The following ZMYND8 variants were observed in gnomAD, a reference collection of about 807,000 sequenced individuals.
ZMYND8 encodes zinc finger MYND-type containing 8, also known as MYND-type zinc finger-containing chromatin reader ZMYND8.
In ZMYND8, 37 loss-of-function variants were observed where a neutral mutation model predicts 140.8. The observed-to-expected ratio is 0.26, with a 90% CI of 0.20 to 0.35. The LOEUF (loss-of-function observed/expected upper bound fraction) is 0.35. ZMYND8 is among the 10% of genes least tolerant of loss of function. ZMYND8 has a pLI of 1.00. For synonymous variants in ZMYND8, 592 were observed against 597.1 expected, an observed-to-expected ratio of 0.99 and a Z score of 0.12; for missense variants, 1,068 against 1,570.0, an observed-to-expected ratio of 0.68 and a Z score of 5.40.
At chr20:47,251,952 T>G (rs1192058839) in intron 12 of ZMYND8, among the ~76,000 whole-genome samples, 2 of 150,904 alleles carry the variant, frequency 1.3e-5, no homozygotes, top group African/African-American at 4.9e-5. Flanking sequence ...TTTTTGACAC[T>G]AAAGTTTACT....
intron 2 of ZMYND8, among the ~76,000 whole-genome samples, chr20:47,313,707 G>A (rs909486547): frequency 1.3e-5 from 2 of 151,842 alleles, no homozygotes; most frequent in African/African-American, 2.4e-5. Flanking sequence ...CGAGGCAAGC[G>A]AATCATCTGA....
chr20:47,221,711 G>A (rs904200775), intron 19 of ZMYND8, among the ~76,000 whole-genome samples: 1 of 152,208 alleles, frequency 6.6e-6, no homozygotes, highest in Non-Finnish European at 1.5e-5. Context: ...CTGTCAGCCA[G>A]GCTGGAGTGC....
intron 14 of ZMYND8, among the ~76,000 whole-genome samples, chr20:47,242,753 T>C (rs1341217481): frequency 6.6e-6 from 1 of 152,182 alleles, no homozygotes; most frequent in Non-Finnish European, 1.5e-5. Context: ...AGGCTCAAAA[T>C]TGTTTGAAGT....
At chr20:47,287,442 C>T (rs1218427883) in intron 7 of ZMYND8, among the ~76,000 whole-genome samples, 158 bp from the exon 8 acceptor site, 1 of 152,166 alleles carries the variant, frequency 6.6e-6, no homozygotes, top group African/African-American at 2.4e-5. Context: ...TAGTAATTCA[C>T]ATTATGTGAT....
In ZMYND8 at chr20:47,227,507, G is replaced by A. The variant is rs1348879457; in HGVS notation, c.2938-226C>T. On this transcript the variant is annotated intron_variant, in intron 17 of 22. Coordinates refer to ENST00000471951, the MANE Select transcript of ZMYND8 (RefSeq NM_001281775.3). ...CATCAATTCCAAGAAATACTGGCAC[G>A]AGGGAAAGCCACTTAAAGTGACAAG... Among the ~76,000 whole-genome samples, 4 of 152,186 alleles carry A rather than the reference G, an allele frequency of 2.6e-5. No homozygotes were observed. In the East Asian group the frequency reaches 7.7e-4, roughly 29 times the overall value.
rs531011862 is a variant in ZMYND8, at chr20:47,272,872, G to A, written c.1480+3442C>T. Among the ~76,000 whole-genome samples the A allele has an allele frequency of 4.6e-5, 7 of 152,276 alleles. No individual in the cohort carries two copies. The East Asian group carries it at 1.3e-3, about 29-fold the overall frequency. ...CTATGACATGGCAATTATTTTACAC[G>A]ATTTTGGGTGAACTACTGTCTTATC... On this transcript the variant is annotated intron_variant, in intron 11 of 22. Transcript: ENST00000471951.
intron 16 of ZMYND8, 85 bp downstream of exon 16, chr20:47,236,241 C>T (rs779136503): frequency 6.0e-5 from 93 of 1,538,948 alleles, no homozygotes; most frequent in African/African-American, 1.6e-4. Flanking sequence ...AAGGTTAAGA[C>T]GCTCACGCTT....
At position 47,220,310 on chromosome 20, in the gene ZMYND8, A is replaced by G. The variant is rs375372815; in HGVS notation, c.3432T>C (p.Ser1144=). 1.9e-6 allele frequency: 3 copies of G among 1,560,786 alleles called. No homozygotes were observed. In the African/African-American group the frequency reaches 4.1e-5, roughly 21 times the overall value. The part of the protein sequence containing the change: ...SKESGSTLDL[S]GSRETPSSIL... The stretch of plus-strand genomic sequence containing the variant: ...TGGAGGAGGGCGTCTCTCTGGAGCC[A>G]GAAAGGTCAAGGGTCTAGAAATACA... Residue 1144 remains serine (S), a synonymous_variant, in exon 21 of 23, where the codon TCT becomes TCC. Coordinates refer to ENST00000471951, the MANE Select transcript of ZMYND8 (RefSeq NM_001281775.3).
In ZMYND8 at chr20:47,306,573, CTT is replaced by C. The variant is rs113460565; in HGVS notation, c.234+3481_234+3482del. Among the ~76,000 whole-genome samples the C allele has an allele frequency of 3.6e-3, 493 of 136,474 alleles. 4 individuals are homozygous for C. Among genetic ancestry groups the C allele is most frequent in the African/African-American group, 0.013 (463 of 36,074 alleles). 89.5% of individuals were successfully genotyped at this position (136,474 alleles called of 152,430 possible). A position where few individuals can be genotyped will look rare whatever the true frequency, so the allele number is the denominator to read the frequency against. ...AAATGGAAATATATGGATTATTTGCCTTTTTTTTTTTTTTTGAGACAGAGTCT... is the reference window on the plus strand; with the variant it reads ...AAATGGAAATATATGGATTATTTGCCTTTTTTTTTTTTTGAGACAGAGTCT... On this transcript the variant is annotated intron_variant, in intron 3 of 22. Coordinates refer to ENST00000471951, the MANE Select transcript of ZMYND8 (RefSeq NM_001281775.3).
intron 2 of ZMYND8, 99 bp from the exon 3 acceptor site, chr20:47,310,303 T>C: frequency 2.1e-6 from 3 of 1,412,276 alleles, no homozygotes; most frequent in Non-Finnish European, 2.9e-6. Context: ...ACAGAGTGCA[T>C]TCTGTCCCCC....
intron 5 of ZMYND8, among the ~76,000 whole-genome samples, chr20:47,292,986 C>T (rs2077363704): frequency 6.6e-6 from 1 of 150,906 alleles, no homozygotes; most frequent in African/African-American, 2.4e-5. Flanking sequence ...TCGCCTGAGC[C>T]CAGGAGGTTG....
At chr20:47,260,240 C>A (rs191402783) in intron 12 of ZMYND8, among the ~76,000 whole-genome samples, 1 of 152,262 alleles carries the variant, frequency 6.6e-6, no homozygotes, top group East Asian at 1.9e-4. Context: ...GGAAGTGTTA[C>A]AAAATTGCCC....
At chr20:47,212,069 T>C (rs148808050) in intron 22 of ZMYND8, among the ~76,000 whole-genome samples, 56 of 152,372 alleles carry the variant, frequency 3.7e-4, no homozygotes, top group African/African-American at 9.9e-4. Context: ...TTATGCCTTC[T>C]TCCCTTAGCC....
intron 1 of ZMYND8, chr20:47,351,819 T>G: frequency 2.0e-6 from 2 of 985,464 alleles, no homozygotes; most frequent in Non-Finnish European, 2.4e-6. Context: ...TAGCAGTTTG[T>G]TCAATAGCTG....
intron 11 of ZMYND8, among the ~76,000 whole-genome samples, chr20:47,271,648 G>C (rs1211892658): frequency 6.6e-6 from 1 of 152,174 alleles, no homozygotes; most frequent in African/African-American, 2.4e-5. Flanking sequence ...TCTAAGGACT[G>C]GCTGTGAGAG....
intron 2 of ZMYND8, chr20:47,318,989 C>A (rs776076015): frequency 1.5e-6 from 2 of 1,351,520 alleles, no homozygotes; most frequent in Admixed American, 3.8e-5. Context: ...AGGGCCTAGC[C>A]TCTCTTGTTC....
At position 47,337,800 on chromosome 20, in the gene ZMYND8, G is replaced by T. The variant is rs976511404; in HGVS notation, c.85+10056C>A. 2.6e-5 allele frequency among the ~76,000 whole-genome samples: 4 copies of T among 152,032 alleles called. No homozygotes were observed. The East Asian group carries it at 7.7e-4, about 29-fold the overall frequency. On this transcript the variant is annotated intron_variant, in intron 2 of 22. Coordinates refer to ENST00000471951, the MANE Select transcript of ZMYND8 (RefSeq NM_001281775.3). Reference sequence around the variant, plus strand: ...TGTCAACCTGACATCTTGAAAGCTCGAAAGCTTTGTCTCCTGAGAGCTAAA... The same window carrying T: ...TGTCAACCTGACATCTTGAAAGCTCTAAAGCTTTGTCTCCTGAGAGCTAAA...
At chr20:47,284,554 C>G (rs867027270) in intron 8 of ZMYND8, among the ~76,000 whole-genome samples, 1 of 152,120 alleles carries the variant, frequency 6.6e-6, no homozygotes, top group Non-Finnish European at 1.5e-5. Context: ...GATCTGGCCC[C>G]AGCCCACCTG....
At chr20:47,310,285 G>C (rs1249506564) in intron 2 of ZMYND8, 81 bp from the exon 3 acceptor site, 17 of 1,503,814 alleles carry the variant, frequency 1.1e-5, no homozygotes, top group Non-Finnish European at 1.5e-5. Context: ...GAGGAACCAA[G>C]TGTGGGAACA....
Sources: gnomAD v4.1 joint callset for allele counts (sites outside exome capture counted in the v4.1 genomes callset) on GRCh38, gnomAD v4.1.1 for gene constraint, MANE v1.5 for transcripts, NCBI Gene and HGNC (gene_info 2026-07-23, HGNC 2026-07-21) for gene names.